BABAM2: variants seen among roughly 807,000 people sequenced by gnomAD.
BABAM2 encodes the protein BRISC and BRCA1-A complex member 2.
In BABAM2, 31 loss-of-function variants were observed where a neutral mutation model predicts 54.7. The ratio of observed to expected loss-of-function variants is 0.57; its 90% CI spans 0.43 to 0.77. The LOEUF (loss-of-function observed/expected upper bound fraction) is 0.77, where lower values mean the gene tolerates loss of function less well. Ranked by LOEUF, BABAM2 falls within the 30% of genes least tolerant of loss-of-function variation. The pLI is 0.00. For synonymous variants in BABAM2, 167 were observed against 162.9 expected (o/e 1.03, Z -0.19); for missense variants, 364 against 455.8 (o/e 0.80, Z 1.83).
At chr2:28,007,801 CA>C (rs1380883493) in intron 4 of BABAM2, among the ~76,000 whole-genome samples, 1 of 151,956 alleles carries the variant, frequency 6.6e-6, no homozygotes, top group Non-Finnish European at 1.5e-5. Context: ...TCAGATTGTT[CA>C]AACTTTTTGT....
intron 7 of BABAM2, among the ~76,000 whole-genome samples, chr2:28,171,251 C>T (rs1028801802): frequency 6.6e-6 from 1 of 152,122 alleles, no homozygotes; most frequent in African/African-American, 2.4e-5. Context: ...TGATGAATAT[C>T]TTTGTACATA....
intron 2 of BABAM2, among the ~76,000 whole-genome samples, chr2:27,917,445 G>C (rs1667062825): frequency 1.3e-5 from 2 of 152,198 alleles, no homozygotes; most frequent in Non-Finnish European, 2.9e-5. Flanking sequence ...GAAAGTCCAG[G>C]ATCATGGCTC....
intron 6 of BABAM2, among the ~76,000 whole-genome samples, chr2:28,086,247 GTACTAACACA>G (rs1350040758): frequency 2.0e-5 from 3 of 152,134 alleles, no homozygotes; most frequent in Non-Finnish European, 2.9e-5. Flanking sequence ...ATGACCCAGT[GTACTAACACA>G]TTTACACAAC....
chr2:28,032,118 G>A (rs969892927), intron 5 of BABAM2, among the ~76,000 whole-genome samples: 3 of 152,096 alleles, frequency 2.0e-5, no homozygotes, highest in African/African-American at 7.2e-5. Flanking sequence ...ATAAATGCTT[G>A]CTATAAAGAA....
At chr2:28,172,431 G>A (rs1210772946) in intron 7 of BABAM2, among the ~76,000 whole-genome samples, 6 of 152,250 alleles carry the variant, frequency 3.9e-5, no homozygotes, top group South Asian at 2.1e-4. Context: ...CCCATCCTGC[G>A]TGTATCTACT....
chr2:28,222,580 T>C (rs887651963), intron 7 of BABAM2, among the ~76,000 whole-genome samples: 2 of 152,244 alleles, frequency 1.3e-5, no homozygotes, highest in Non-Finnish European at 2.9e-5. Flanking sequence ...CCCTTTGTGC[T>C]ATTAATACTG....
chr2:28,077,027 T>G (rs1222993704), intron 6 of BABAM2, among the ~76,000 whole-genome samples: 1 of 152,172 alleles, frequency 6.6e-6, no homozygotes, highest in African/African-American at 2.4e-5. Context: ...TCTGTAAATA[T>G]TCTCTCAAAT....
chr2:28,238,300 A>T (rs1682101372), intron 8 of BABAM2, among the ~76,000 whole-genome samples: 1 of 152,194 alleles, frequency 6.6e-6, no homozygotes, highest in African/African-American at 2.4e-5. Context: ...CAGCTAGTAT[A>T]TTTAGCTGAA....
chr2:28,212,042 A>G (rs1292289687), intron 7 of BABAM2, among the ~76,000 whole-genome samples: 1 of 152,134 alleles, frequency 6.6e-6, no homozygotes, highest in Non-Finnish European at 1.5e-5. Flanking sequence ...TCTTCCCTGT[A>G]AAATTGACTT....
intron 6 of BABAM2, among the ~76,000 whole-genome samples, chr2:28,090,450 G>A (rs531811455): frequency 4.6e-5 from 7 of 152,088 alleles, no homozygotes; most frequent in African/African-American, 1.7e-4. Context: ...CACCGTGTTG[G>A]CCAGGATAGT....
At chr2:28,314,151 A>C (rs955826149) in intron 11 of BABAM2, among the ~76,000 whole-genome samples, 3 of 152,220 alleles carry the variant, frequency 2.0e-5, no homozygotes, top group Non-Finnish European at 4.4e-5. Flanking sequence ...ACAGACAATA[A>C]GAATTGTAAA....
intron 3 of BABAM2, among the ~76,000 whole-genome samples, chr2:27,956,309 A>G (rs1054678503): frequency 1.3e-5 from 2 of 152,154 alleles, no homozygotes; most frequent in East Asian, 3.8e-4. Context: ...TTTATGTCAG[A>G]TTTATGGGTA....
intron 11 of BABAM2, among the ~76,000 whole-genome samples, chr2:28,337,935 T>C (rs1398397490): frequency 6.6e-6 from 1 of 152,208 alleles, no homozygotes; most frequent in Non-Finnish European, 1.5e-5. Flanking sequence ...TACAGTGTGC[T>C]GTGGTTGGAC....
intron 10 of BABAM2, among the ~76,000 whole-genome samples, chr2:28,250,595 G>GTTTTT (rs1553350055): frequency 7.9e-5 from 11 of 139,214 alleles, no homozygotes; most frequent in Middle Eastern, 3.6e-3. Flanking sequence ...TTTTTTTTTT[G>GTTTTT]TTTGTTTGTT....
chr2:27,907,774 T>C (rs1023001285), intron 2 of BABAM2, among the ~76,000 whole-genome samples: 1 of 152,244 alleles, frequency 6.6e-6, no homozygotes, highest in African/African-American at 2.4e-5. Context: ...AAGTGAGTCA[T>C]GCAGTATTTA....
chr2:27,949,443 A>T (rs1161582806), intron 3 of BABAM2, among the ~76,000 whole-genome samples: 2 of 151,994 alleles, frequency 1.3e-5, no homozygotes, highest in Non-Finnish European at 2.9e-5. Context: ...CCGAGGCAGG[A>T]GAATCGCTTG....
intron 4 of BABAM2, among the ~76,000 whole-genome samples, chr2:28,010,318 T>C (rs924888593): frequency 5.9e-5 from 9 of 152,176 alleles, no homozygotes; most frequent in Admixed American, 1.3e-4. Flanking sequence ...CTGTTTTTCC[T>C]CTTTTCCTTA....
intron 2 of BABAM2, among the ~76,000 whole-genome samples, chr2:27,904,136 G>A (rs749987679): frequency 3.9e-5 from 6 of 152,124 alleles, no homozygotes; most frequent in Non-Finnish European, 8.8e-5. Context: ...GGACAGAGTT[G>A]GAAGGTGTGA....
chr2:27,901,711 G>A (rs1007262320), intron 2 of BABAM2, among the ~76,000 whole-genome samples: 2 of 152,102 alleles, frequency 1.3e-5, no homozygotes, highest in Non-Finnish European at 2.9e-5. Context: ...TTTGTCTATG[G>A]CCATACCACC....
Sources: allele counts gnomAD v4.1 joint callset (sites outside exome capture counted in the v4.1 genomes callset), GRCh38; gene constraint gnomAD v4.1.1; transcripts MANE v1.5; gene names NCBI Gene and HGNC (gene_info 2026-07-23, HGNC 2026-07-21).